LIFR: variants seen among roughly 807,000 people sequenced by gnomAD.
LIFR encodes LIF receptor subunit alpha.
A neutral mutation model predicts 122.2 loss-of-function variants in LIFR; 84 were observed. That is an observed-to-expected ratio of 0.69 (90% CI 0.58 to 0.82). The LOEUF is 0.82. Among genes scored for constraint, LIFR ranks in the 40% least tolerant of loss-of-function variants. LIFR has a pLI of 0.00. For synonymous variants in LIFR, 422 were observed against 434.7 expected (o/e 0.97, Z 0.36); for missense variants, 1,294 against 1,311.6 (o/e 0.99, Z 0.21).
At chr5:38,517,942 G>GA (rs36122781) in intron 5 of LIFR, among the ~76,000 whole-genome samples, 1,266 of 120,584 alleles carry the variant, frequency 0.01, 23 homozygotes, top group African/African-American at 0.032. Flanking sequence ...CCATCTCTAT[G>GA]AAAAAAAAAA....
At chr5:38,593,568 G>A (rs1749999768) in intron 1 of LIFR, among the ~76,000 whole-genome samples, 1 of 152,166 alleles carries the variant, frequency 6.6e-6, no homozygotes, top group Admixed American at 6.5e-5. Flanking sequence ...ATGCATCAGA[G>A]AAGAGGAGGG....
intron 5 of LIFR, among the ~76,000 whole-genome samples, chr5:38,518,230 T>C (rs920747452): frequency 6.6e-6 from 1 of 152,058 alleles, no homozygotes; most frequent in African/African-American, 2.4e-5. Flanking sequence ...AAAATATATA[T>C]ATTTCTTATA....
chr5:38,507,538 T>C (rs1164680613), intron 7 of LIFR, among the ~76,000 whole-genome samples: 1 of 121,662 alleles, frequency 8.2e-6, no homozygotes, highest in African/African-American at 3.2e-5. Flanking sequence ...GAATCTGGTC[T>C]GGGCGACAGA....
intron 19 of LIFR, 78 bp from the exon 20 acceptor site, chr5:38,482,296 A>AT: frequency 7.2e-7 from 1 of 1,386,840 alleles, no homozygotes; most frequent in South Asian, 1.3e-5. Context: ...AAAGGGACAC[A>AT]TTTTTCCCCA....
At chr5:38,533,781 G>A (rs1020579570) in intron 1 of LIFR, among the ~76,000 whole-genome samples, 4 of 152,136 alleles carry the variant, frequency 2.6e-5, no homozygotes, top group African/African-American at 9.7e-5. Flanking sequence ...CTGCTGGCAC[G>A]AACCTAGCCT....
chr5:38,546,884 A>C (rs1308952581), intron 1 of LIFR, among the ~76,000 whole-genome samples: 2 of 152,184 alleles, frequency 1.3e-5, no homozygotes. Flanking sequence ...AAAAGTTTCA[A>C]AACAGTCATC....
At chr5:38,505,866 TAA>T (rs758677783) in intron 9 of LIFR, 37 bp downstream of exon 9, 4 of 1,419,218 alleles carry the variant, frequency 2.8e-6, no homozygotes, top group Non-Finnish European at 3.9e-6. Flanking sequence ...TCACCACTTT[TAA>T]AGTTATTTTT....
chr5:38,502,156 C>A (rs1160293858), intron 11 of LIFR, among the ~76,000 whole-genome samples: 2 of 151,960 alleles, frequency 1.3e-5, no homozygotes. Flanking sequence ...TATACTATGA[C>A]AAAACTTCAA....
At chr5:38,509,677 A>C (rs570938478) in intron 7 of LIFR, among the ~76,000 whole-genome samples, 1 of 152,348 alleles carries the variant, frequency 6.6e-6, no homozygotes, top group African/African-American at 2.4e-5. Context: ...CAGACTTCTA[A>C]TTCAGCATAA....
chr5:38,570,075 T>G (rs1749159880), intron 1 of LIFR, among the ~76,000 whole-genome samples: 2 of 152,192 alleles, frequency 1.3e-5, no homozygotes, highest in Admixed American at 1.3e-4. Flanking sequence ...CCATACTATC[T>G]TGATTCCTCA....
rs910996515 is a variant in LIFR at position 38,474,804 on chromosome 5, T to C, written c.*6791A>G. Among the ~76,000 whole-genome samples, 4 of 152,166 alleles carry C rather than the reference T, an allele frequency of 2.6e-5. No homozygotes were observed. Among genetic ancestry groups the C allele is most frequent in the Non-Finnish European group, 5.9e-5 (4 of 68,030 alleles). ...ATGTTACACCAATGGCACAGCAATGTACTCAAATGTTAAAAATACATCCAT... is the reference window on the plus strand; with the variant it reads ...ATGTTACACCAATGGCACAGCAATGCACTCAAATGTTAAAAATACATCCAT... On this transcript the variant is annotated 3_prime_UTR_variant, in exon 20 of 20. Coordinates refer to ENST00000453190, the MANE Select transcript of LIFR (RefSeq NM_001127671.2).
At chr5:38,586,020 T>C (rs1234587102) in intron 1 of LIFR, among the ~76,000 whole-genome samples, 1 of 152,162 alleles carries the variant, frequency 6.6e-6, no homozygotes, top group African/African-American at 2.4e-5. Context: ...AGCATCACTT[T>C]TGGTTACTTA....
chr5:38,481,591 A>C lies in LIFR; in HGVS notation c.*4T>G, dbSNP rs751758745. On this transcript the variant is annotated 3_prime_UTR_variant, in exon 20 of 20. Coordinates refer to ENST00000453190, the MANE Select transcript of LIFR (RefSeq NM_001127671.2). ...TGGCTGACTGAAGTGACACGGTGAC[A>C]CTGTTAATCGTTTGGTTTGTTCTGA... 2 of 1,614,146 alleles carry C rather than the reference A, an allele frequency of 1.2e-6. No individual in the cohort carries two copies. The highest frequency in any genetic ancestry group is 4.5e-5 in the East Asian group (2 of 44,886).
chr5:38,564,187 C>A (rs1748929762), intron 1 of LIFR, among the ~76,000 whole-genome samples: 1 of 151,806 alleles, frequency 6.6e-6, no homozygotes, highest in African/African-American at 2.4e-5. Context: ...TCTGTAGGAT[C>A]AGCCCATCCC....
intron 1 of LIFR, among the ~76,000 whole-genome samples, chr5:38,593,575 A>AG (rs1750000386): frequency 6.6e-6 from 1 of 152,116 alleles, no homozygotes; most frequent in African/African-American, 2.4e-5. Context: ...AGAGAAGAGG[A>AG]GGGGGATAGA....
Position 38,475,708 on chromosome 5 carries a change from A to G in LIFR, c.*5887T>C, listed in dbSNP as rs1485472636. 1.6e-5 allele frequency: 3 copies of G among 188,418 alleles called. No individual in the cohort carries two copies. The highest frequency in any genetic ancestry group is 3.4e-5 in the Non-Finnish European group (3 of 89,362). 11.7% of individuals were successfully genotyped at this position (188,418 alleles called of 1,614,324 possible). A position where few individuals can be genotyped will look rare whatever the true frequency, so the allele number is the denominator to read the frequency against. On this transcript the variant is annotated 3_prime_UTR_variant, in exon 20 of 20. Coordinates refer to ENST00000453190, the MANE Select transcript of LIFR (RefSeq NM_001127671.2). ...GTAAACAGTAATTCACTATAATGCA[A>G]TTTTGAAAGTAAAAAAAGGTAATTT...
chr5:38,488,878 GA>G (rs1744424658), intron 16 of LIFR, among the ~76,000 whole-genome samples, 199 bp downstream of exon 16: 1 of 152,188 alleles, frequency 6.6e-6, no homozygotes, highest in African/African-American at 2.4e-5. Flanking sequence ...AATGATTTCT[GA>G]AAGACTATAC....
chr5:38,527,326 A>T, intron 3 of LIFR, 32 bp from the exon 4 acceptor site: 1 of 1,308,834 alleles, frequency 7.6e-7, no homozygotes, highest in Non-Finnish European at 1.1e-6. Flanking sequence ...TAATTAGCAA[A>T]TAAAATTAAT....
chr5:38,590,255 G>C (rs752158694), intron 1 of LIFR, among the ~76,000 whole-genome samples: 1 of 152,128 alleles, frequency 6.6e-6, no homozygotes, highest in Non-Finnish European at 1.5e-5. Flanking sequence ...TTGCAAGCTG[G>C]GTACTTGAAA....
Sources: allele counts gnomAD v4.1 joint callset (sites outside exome capture counted in the v4.1 genomes callset), GRCh38; gene constraint gnomAD v4.1.1; transcripts MANE v1.5; gene names NCBI Gene and HGNC (gene_info 2026-07-23, HGNC 2026-07-21).